The following UPRT variants were observed in gnomAD, a reference collection of about 807,000 sequenced individuals.
UPRT encodes the protein uracil phosphoribosyltransferase homolog, also known as RP11-311P8.3.
A neutral mutation model predicts 22.6 loss-of-function variants in UPRT; 5 were observed. The ratio of observed to expected loss-of-function variants is 0.22; its 90% confidence interval spans 0.12 to 0.47. UPRT has a LOEUF of 0.47. Ranked by LOEUF, UPRT falls within the 20% of genes least tolerant of loss-of-function variation. The pLI is 0.99. For synonymous variants in UPRT, 77 were observed against 87.7 expected (o/e 0.88, Z 0.68); for missense variants, 181 against 239.9 (o/e 0.75, Z 1.62).
At chrX:75,196,105 T>C (rs2082331831) in intron 4 of UPRT, among the ~76,000 whole-genome samples, 1 of 112,391 alleles carries the variant, frequency 8.9e-6, no homozygotes, top group African/African-American at 3.2e-5. Context: ...ATCTGTAGAA[T>C]ATTACCAGCT....
upstream of UPRT, chrX:75,274,018 G>A (rs2082620231): frequency 1.8e-5 from 7 of 384,140 alleles, no homozygotes; most frequent in Admixed American, 3.5e-4. Context: ...GCGCCGCAGA[G>A]TGGCGGGGAG....
intron 4 of UPRT, among the ~76,000 whole-genome samples, chrX:75,217,171 G>C (rs192798966): frequency 1.8e-5 from 2 of 111,841 alleles, no homozygotes; most frequent in Non-Finnish European, 3.8e-5. Flanking sequence ...GTGGAGTCTT[G>C]ATGGGCAGGA....
At chrX:75,168,808 C>A (rs1009206803) in intron 4 of UPRT, among the ~76,000 whole-genome samples, 1 of 111,476 alleles carries the variant, frequency 9.0e-6, no homozygotes, top group African/African-American at 3.3e-5. Flanking sequence ...GGATTACGGG[C>A]ATGAGCCACT....
At chrX:75,183,583 T>C (rs1335225123) in intron 4 of UPRT, among the ~76,000 whole-genome samples, 3 of 111,978 alleles carry the variant, frequency 2.7e-5, no homozygotes, top group Admixed American at 9.5e-5. Context: ...TTCTAGATCC[T>C]TGAGGAATCG....
At chrX:75,268,681 A>T (rs2082598303) in intron 4 of UPRT, among the ~76,000 whole-genome samples, 1 of 82,029 alleles carries the variant, frequency 1.2e-5, no homozygotes, top group African/African-American at 3.7e-5. Flanking sequence ...CAACAGATGC[A>T]GGGAAGGCCT....
intron 1 of UPRT, chrX:75,285,339 G>C (rs922229206): frequency 1.8e-5 from 2 of 111,599 alleles, no homozygotes; most frequent in Non-Finnish European, 3.8e-5. Context: ...TTGTTAAAAA[G>C]GTCAGCTAGA....
chrX:75,228,814 T>C (rs2082430051), intron 4 of UPRT, among the ~76,000 whole-genome samples: 1 of 112,244 alleles, frequency 8.9e-6, no homozygotes, highest in Admixed American at 9.5e-5. Context: ...TGGCAATATG[T>C]ATTTGAAAAT....
chrX:75,274,777 T>G (rs778446133), intron 1 of UPRT, 137 bp downstream of exon 1: 235 of 9,070 alleles, frequency 0.026, 1 homozygote, highest in African/African-American at 0.031. Context: ...TTTTATTTGG[T>G]GTGTGTGTGT....
intron 4 of UPRT, among the ~76,000 whole-genome samples, chrX:75,257,393 C>A (rs966562364): frequency 3.6e-5 from 4 of 111,504 alleles, no homozygotes; most frequent in Non-Finnish European, 7.5e-5. Context: ...CCATCTATGA[C>A]AAACCCACAG....
chrX:75,176,144 T>C (rs1178334226), intron 4 of UPRT, among the ~76,000 whole-genome samples: 2 of 111,110 alleles, frequency 1.8e-5, no homozygotes, highest in South Asian at 3.8e-4. Flanking sequence ...CATTGAATAA[T>C]TTATGGGCTT....
At chrX:75,222,302 T>C (rs755658659) in intron 4 of UPRT, among the ~76,000 whole-genome samples, 2 of 111,645 alleles carry the variant, frequency 1.8e-5, no homozygotes, top group Admixed American at 1.9e-4. Flanking sequence ...CAGCACAGCA[T>C]TGAGTCTCAT....
At chrX:75,252,072 T>G (rs1043118969) in intron 4 of UPRT, among the ~76,000 whole-genome samples, 1 of 112,246 alleles carries the variant, frequency 8.9e-6, no homozygotes, top group African/African-American at 3.2e-5. Context: ...CAAGATGTAT[T>G]AAAGACTTAC....
At chrX:75,288,205 G>A (rs755716961) in intron 1 of UPRT, among the ~76,000 whole-genome samples, 31 of 111,090 alleles carry the variant, frequency 2.8e-4, no homozygotes, top group African/African-American at 1.0e-3. Flanking sequence ...ACCTAAAGAA[G>A]ACCTGGACCA....
intron 4 of UPRT, among the ~76,000 whole-genome samples, chrX:75,251,073 G>C (rs192880150): frequency 4.0e-4 from 44 of 111,332 alleles, no homozygotes; most frequent in African/African-American, 1.3e-3. Flanking sequence ...AAAATAATAA[G>C]AGCTATCTAT....
chrX:75,197,979 G>C (rs1225727272), intron 4 of UPRT, among the ~76,000 whole-genome samples: 1 of 112,048 alleles, frequency 8.9e-6, no homozygotes, highest in Admixed American at 9.5e-5. Flanking sequence ...TGCACTCCTA[G>C]GTATTTATCA....
chrX:75,190,808 T>C (rs1307420319), intron 4 of UPRT, among the ~76,000 whole-genome samples: 2 of 112,263 alleles, frequency 1.8e-5, no homozygotes, highest in East Asian at 5.6e-4. Context: ...ATAGTTCTCA[T>C]GCCATGGTTT....
intron 4 of UPRT, among the ~76,000 whole-genome samples, chrX:75,209,955 G>C (rs1372358462): frequency 3.6e-5 from 4 of 112,196 alleles, no homozygotes; most frequent in African/African-American, 9.7e-5. Flanking sequence ...GGAGGTTTGA[G>C]GGCTATTCTC....
intron 4 of UPRT, among the ~76,000 whole-genome samples, chrX:75,174,399 C>A (rs1389244437): frequency 9.0e-6 from 1 of 111,217 alleles, no homozygotes; most frequent in African/African-American, 3.3e-5. Flanking sequence ...TTGATGGCCT[C>A]GATTCTAGAG....
At chrX:75,200,609 C>A (rs1235523300) in intron 4 of UPRT, among the ~76,000 whole-genome samples, 6 of 111,577 alleles carry the variant, frequency 5.4e-5, no homozygotes, top group Non-Finnish European at 9.4e-5. Flanking sequence ...GAAAATTATT[C>A]TTTATAAACA....
Sources: allele counts gnomAD v4.1 joint callset (sites outside exome capture counted in the v4.1 genomes callset), GRCh38; gene constraint gnomAD v4.1.1; transcripts MANE v1.5; gene names NCBI Gene and HGNC (gene_info 2026-07-23, HGNC 2026-07-21).